The following DNAH17 variants were observed in gnomAD, a reference collection of about 807,000 sequenced individuals.
The protein encoded by DNAH17 is axonemal beta dynein heavy chain 17.
In DNAH17, 376 loss-of-function variants were observed where a neutral mutation model predicts 485.6. The ratio of observed to expected loss-of-function variants is 0.77; its 90% CI spans 0.71 to 0.84. The LOEUF (loss-of-function observed/expected upper bound fraction) is 0.84. Ranked by LOEUF, DNAH17 falls within the 40% of genes least tolerant of loss-of-function variation. The pLI is 0.00. For synonymous variants in DNAH17, 3,031 were observed against 2,405.9 expected, an observed-to-expected ratio of 1.26 and a Z score of -7.60; for missense variants, 6,370 against 5,839.3, an observed-to-expected ratio of 1.09 and a Z score of -2.96.
chr17:78,429,479 T>C (rs1191900762), intron 75 of DNAH17, among the ~76,000 whole-genome samples, 179 bp from the exon 76 acceptor site: 1 of 152,176 alleles, frequency 6.6e-6, no homozygotes, highest in East Asian at 1.9e-4. Context: ...AGGGCCACCT[T>C]TCTTTCCATT....
In DNAH17 at chr17:78,479,066, G is replaced by T; in HGVS notation, c.7951C>A (p.His2651Asn). The T allele has an allele frequency of 6.2e-7, 1 of 1,613,994 alleles. No homozygotes were observed. Among genetic ancestry groups the T allele is most frequent in the Non-Finnish European group, 8.5e-7 (1 of 1,179,892 alleles). ...AGGTCCCTGAGGTTGAAGACATAAT[G>T]AAACTTAATGGCCGTGGGAAGAAAT... is the stretch of plus-strand genomic sequence containing the variant. ...ATFLPTAIKF[H>N]YVFNLRDLSN... The change falls in exon 51 of 81, where the codon CAT becomes AAT. Residue 2651 changes from histidine to asparagine, a missense_variant. By Grantham distance (68) the His-to-Asn change is moderately conservative (BLOSUM62 1). Transcript: ENST00000389840.
Position 78,491,496 on chromosome 17 carries a change from C to G in DNAH17, c.6616G>C (p.Asp2206His). The G allele has an allele frequency of 6.2e-7, 1 of 1,613,684 alleles. No individual in the cohort carries two copies. Among genetic ancestry groups the G allele is most frequent in the Non-Finnish European group, 8.5e-7 (1 of 1,179,866 alleles). ...DGPKWIILDGDIDPMWIESLN... is the reference protein window; with the variant it reads ...DGPKWIILDGHIDPMWIESLN... ...GACTCGATCCACATGGGGTCTATGTCTCCGTCAAGGATGATCCACTTGGGG... is the reference window on the plus strand; with the variant it reads ...GACTCGATCCACATGGGGTCTATGTGTCCGTCAAGGATGATCCACTTGGGG... The change falls in exon 43 of 81, where the codon GAC becomes CAC. Residue 2206 changes from aspartate (D) to histidine (H), a missense_variant. Transcript: ENST00000389840.
intron 64 of DNAH17, 48 bp from the exon 65 acceptor site, chr17:78,453,513 G>T (rs776936249): frequency 6.2e-7 from 1 of 1,609,686 alleles, no homozygotes; most frequent in East Asian, 2.2e-5. Context: ...GCCTCGTGAT[G>T]GAACGGTGCG....
chr17:78,428,298 T>G, intron 77 of DNAH17: 2 of 586,990 alleles, frequency 3.4e-6, no homozygotes, highest in East Asian at 3.0e-5. Context: ...AAGGATCCCT[T>G]TTGTCTGGGC....
Position 78,496,094 on chromosome 17 carries a change from G to A in DNAH17, c.5746-62C>T, listed in dbSNP as rs573906659. 1.4e-5 allele frequency: 21 copies of A among 1,536,814 alleles called. No individual in the cohort carries two copies. The East Asian group carries it at 4.7e-4, about 34-fold the overall frequency. ...ATGGCCAGCTTCCACACACCAGAGA[G>A]GCCTTCACATATGTTAAAGCATGAG... On this transcript the variant is annotated intron_variant, in intron 37 of 80. Transcript: ENST00000389840.
At chr17:78,437,570 C>A (rs373412035) in intron 74 of DNAH17, 71 bp downstream of exon 74, 64 of 1,325,820 alleles carry the variant, frequency 4.8e-5, no homozygotes, top group Non-Finnish European at 6.4e-5. Context: ...CAGTGGTCCT[C>A]GGGGCCCCAA....
chr17:78,547,751 G>A (rs1017406675), intron 16 of DNAH17, among the ~76,000 whole-genome samples: 13 of 151,886 alleles, frequency 8.6e-5, no homozygotes, highest in African/African-American at 3.1e-4. Context: ...TCTAGTAGCT[G>A]GGATCATAGG....
rs751955470 is a variant in DNAH17 at position 78,571,787 on chromosome 17, C to T, written c.540-5G>A. ...TTGTCCAGTGAAGAGGGGATCCTGC[C>T]CAGTGGAAGGTTGGGGCATTGCTCT... is the stretch of plus-strand genomic sequence containing the variant. On this transcript the variant is annotated splice_region_variant and splice_polypyrimidine_tract_variant and intron_variant, in intron 3 of 80. Coordinates refer to ENST00000389840, the MANE Select transcript of DNAH17 (RefSeq NM_173628.4). 3.2e-6 allele frequency: 5 copies of T among 1,572,048 alleles called. No homozygotes were observed. Among genetic ancestry groups the T allele is most frequent in the African/African-American group, 1.3e-5 (1 of 74,168 alleles).
chr17:78,550,770 GAAAGA>G (rs1305111445), intron 16 of DNAH17, among the ~76,000 whole-genome samples: 1 of 152,174 alleles, frequency 6.6e-6, no homozygotes, highest in African/African-American at 2.4e-5. Context: ...CTGGAGCAGT[GAAAGA>G]AAAGGACCGT....
chr17:78,506,952 A>ACTG, intron 29 of DNAH17, 106 bp from the exon 30 acceptor site: 1 of 1,459,084 alleles, frequency 6.9e-7, no homozygotes, highest in South Asian at 1.2e-5. Context: ...AGATGCCTGG[A>ACTG]CTGCTGTTCA....
chr17:78,458,461 G>T, intron 62 of DNAH17, 104 bp downstream of exon 62: 2 of 953,516 alleles, frequency 2.1e-6, no homozygotes, highest in Non-Finnish European at 3.3e-6. Flanking sequence ...CAACCTGGCT[G>T]CTTCCACCTG....
chr17:78,431,333 G>A (rs1345131885), intron 75 of DNAH17, among the ~76,000 whole-genome samples: 1 of 152,208 alleles, frequency 6.6e-6, no homozygotes, highest in Non-Finnish European at 1.5e-5. Flanking sequence ...TCTCCCGAGA[G>A]GCAGGAAGAC....
At chr17:78,515,154 A>G (rs1598624000) in intron 25 of DNAH17, 132 bp from the exon 26 acceptor site, 1 of 1,054,974 alleles carries the variant, frequency 9.5e-7, no homozygotes, top group Non-Finnish European at 1.4e-6. Flanking sequence ...AATACCCGAG[A>G]TCAGTAAAGT....
intron 22 of DNAH17, among the ~76,000 whole-genome samples, chr17:78,528,621 A>G (rs1358984800): frequency 6.6e-6 from 1 of 151,842 alleles, no homozygotes; most frequent in Non-Finnish European, 1.5e-5. Flanking sequence ...GAGGAGTTGG[A>G]AACTCCAGGC....
At position 78,444,797 on chromosome 17, in the gene DNAH17, C is replaced by T; in HGVS notation, c.11335G>A (p.Ala3779Thr). The change falls in exon 71 of 81, where the codon GCC (alanine) becomes ACC (threonine). Residue 3779 changes from alanine (A) to threonine (T), a missense_variant and splice_region_variant. Coordinates refer to ENST00000389840, the MANE Select transcript of DNAH17 (RefSeq NM_173628.4). Reference sequence around the variant, plus strand: ...TTGAACTCATCCATCTCCGAGAGGGCCTAGGGGCAGAGGCAGCGGGCCCTG... The same window carrying T: ...TTGAACTCATCCATCTCCGAGAGGGTCTAGGGGCAGAGGCAGCGGGCCCTG... ...LQHQGWGGIK[A>T]LSEMDEFKNL... 6.4e-7 allele frequency: 1 copy of T among 1,564,448 alleles called. No individual in the cohort carries two copies. Among genetic ancestry groups the T allele is most frequent in the Non-Finnish European group, 8.6e-7 (1 of 1,157,560 alleles).
chr17:78,425,153 C>T, intron 80 of DNAH17, 193 bp downstream of exon 80: 1 of 593,276 alleles, frequency 1.7e-6, no homozygotes. Flanking sequence ...CTGCACATTC[C>T]CTGAATCCTC....
chr17:78,528,782 G>A (rs1028770945), intron 22 of DNAH17, among the ~76,000 whole-genome samples: 6 of 151,928 alleles, frequency 3.9e-5, no homozygotes, highest in Non-Finnish European at 7.4e-5. Context: ...CTTTGAATTC[G>A]CTATCAAGTG....
Position 78,495,889 on chromosome 17 carries a change from T to C in DNAH17, c.5889A>G (p.Leu1963=), listed in dbSNP as rs1248325929. 6.2e-7 allele frequency: 1 copy of C among 1,613,584 alleles called. No individual in the cohort carries two copies. The highest frequency in any genetic ancestry group is 1.7e-5 in the Admixed American group (1 of 59,946). The part of the protein sequence containing the change: ...YAGRAELPEN[L]KALFRPCAMV... The stretch of plus-strand genomic sequence containing the variant: ...GGGCCACGTACCTGAATAAGGCTTT[T>C]AGGTTCTCAGGCAGCTCCGCGCGTC... The change falls in exon 38 of 81, where the codon CTA becomes CTG. Residue 1963 remains leucine (L), a synonymous_variant. Coordinates refer to ENST00000389840, the MANE Select transcript of DNAH17 (RefSeq NM_173628.4).
intron 60 of DNAH17, 112 bp from the exon 61 acceptor site, chr17:78,459,320 T>G: frequency 9.7e-7 from 1 of 1,026,366 alleles, no homozygotes; most frequent in Non-Finnish European, 1.5e-6. Context: ...GGGGCAGCGC[T>G]GGGATTCACA....
Sources: gnomAD v4.1 joint callset for allele counts (sites outside exome capture counted in the v4.1 genomes callset) on GRCh38, gnomAD v4.1.1 for gene constraint, MANE v1.5 for transcripts, NCBI Gene and HGNC (gene_info 2026-07-23, HGNC 2026-07-21) for gene names.